CA10: variants seen among roughly 807,000 people sequenced by gnomAD.
The protein encoded by CA10 is carbonic anhydrase-related protein 10.
A neutral mutation model predicts 44.2 loss-of-function variants in CA10; 14 were observed. The ratio of observed to expected loss-of-function variants is 0.32; its 90% CI spans 0.21 to 0.50. The LOEUF is 0.50. Among genes scored for constraint, CA10 ranks in the 20% least tolerant of loss-of-function variants. The pLI, the probability that CA10 is intolerant of heterozygous loss-of-function variation, is 0.99. For synonymous variants in CA10, 159 were observed against 141.6 expected, an observed-to-expected ratio of 1.12 and a Z score of -0.87; for missense variants, 350 against 409.7, an observed-to-expected ratio of 0.85 and a Z score of 1.26.
chr17:52,024,497 G>A (rs149530396), intron 2 of CA10, among the ~76,000 whole-genome samples: 17 of 151,434 alleles, frequency 1.1e-4, no homozygotes, highest in Admixed American at 2.0e-4. Context: ...TCACAAGCTG[G>A]AGTCAGTGGG....
intron 2 of CA10, among the ~76,000 whole-genome samples, chr17:51,943,097 C>T (rs1028006331): frequency 2.6e-5 from 4 of 152,102 alleles, no homozygotes; most frequent in African/African-American, 9.7e-5. Context: ...ACAATATGCT[C>T]ATGCTTACTT....
chr17:52,115,343 C>T (rs1988870550), intron 1 of CA10, among the ~76,000 whole-genome samples: 1 of 152,196 alleles, frequency 6.6e-6, no homozygotes, highest in Non-Finnish European at 1.5e-5. Context: ...AAAAATCCTG[C>T]ATCATTTTGG....
chr17:51,967,398 T>C (rs957565692), intron 2 of CA10, among the ~76,000 whole-genome samples: 2 of 151,616 alleles, frequency 1.3e-5, no homozygotes, highest in Admixed American at 6.6e-5. Flanking sequence ...TGTATGTTCA[T>C]TGTAGCACTA....
At chr17:51,823,780 C>T (rs1470160822) in intron 3 of CA10, among the ~76,000 whole-genome samples, 5 of 152,202 alleles carry the variant, frequency 3.3e-5, no homozygotes, top group Non-Finnish European at 7.3e-5. Flanking sequence ...CTGTGGGTCC[C>T]AACCTGTCAT....
At chr17:51,822,187 G>T (rs146179670) in intron 3 of CA10, among the ~76,000 whole-genome samples, 2,048 of 152,216 alleles carry the variant, frequency 0.013, 41 homozygotes, top group African/African-American at 0.047. Flanking sequence ...AGTTTGGGAG[G>T]CTGAGGCAGG....
At chr17:51,979,584 G>T (rs1438014699) in intron 2 of CA10, among the ~76,000 whole-genome samples, 2 of 151,976 alleles carry the variant, frequency 1.3e-5, no homozygotes, top group Non-Finnish European at 2.9e-5. Flanking sequence ...CATGGTATTT[G>T]GTTTTCTATT....
At chr17:52,083,426 T>G (rs1354692894) in intron 1 of CA10, among the ~76,000 whole-genome samples, 2 of 152,198 alleles carry the variant, frequency 1.3e-5, no homozygotes, top group Non-Finnish European at 2.9e-5. Flanking sequence ...AATGTTTATT[T>G]GTATAAATTT....
At chr17:51,880,095 C>A (rs1327162870) in intron 3 of CA10, among the ~76,000 whole-genome samples, 1 of 152,148 alleles carries the variant, frequency 6.6e-6, no homozygotes, top group Non-Finnish European at 1.5e-5. Flanking sequence ...CACTAACCAC[C>A]TGCTCTAATC....
intron 1 of CA10, among the ~76,000 whole-genome samples, chr17:52,110,343 C>T (rs1988763159): frequency 6.6e-6 from 1 of 152,232 alleles, no homozygotes; most frequent in Admixed American, 6.5e-5. Context: ...TGGAGTCTCA[C>T]AGACCTATCC....
intron 3 of CA10, among the ~76,000 whole-genome samples, chr17:51,872,499 A>C (rs1015689478): frequency 6.6e-6 from 1 of 152,044 alleles, no homozygotes; most frequent in Admixed American, 6.6e-5. Context: ...CCCTTCAGAG[A>C]CCTCTTTGTA....
At chr17:51,777,848 C>T (rs1905889667) in intron 3 of CA10, among the ~76,000 whole-genome samples, 1 of 152,122 alleles carries the variant, frequency 6.6e-6, no homozygotes, top group South Asian at 2.1e-4. Context: ...GGAAGGATTG[C>T]TTGAGCCTGG....
chr17:52,010,723 C>T (rs1055072801), intron 2 of CA10, among the ~76,000 whole-genome samples: 3 of 151,870 alleles, frequency 2.0e-5, no homozygotes, highest in African/African-American at 7.2e-5. Flanking sequence ...CACTAAATAA[C>T]TTAAAGAATG....
chr17:51,660,510 G>A (rs1913964502), intron 4 of CA10, among the ~76,000 whole-genome samples: 1 of 152,222 alleles, frequency 6.6e-6, no homozygotes, highest in African/African-American at 2.4e-5. Context: ...CAGTTGCACA[G>A]GTCTCAGAGT....
At chr17:52,009,477 C>A (rs1239960998) in intron 2 of CA10, among the ~76,000 whole-genome samples, 3 of 151,958 alleles carry the variant, frequency 2.0e-5, no homozygotes, top group Non-Finnish European at 4.4e-5. Flanking sequence ...GCTGATGTGT[C>A]ACCTGGAGAG....
chr17:51,808,578 C>T (rs1241260223), intron 3 of CA10, among the ~76,000 whole-genome samples: 1 of 152,088 alleles, frequency 6.6e-6, no homozygotes, highest in Non-Finnish European at 1.5e-5. Flanking sequence ...ACAATAGAAG[C>T]TAATAGAAAG....
intron 2 of CA10, among the ~76,000 whole-genome samples, chr17:52,027,047 T>C (rs1423265136): frequency 6.6e-6 from 1 of 152,062 alleles, no homozygotes; most frequent in Non-Finnish European, 1.5e-5. Context: ...GTAGAATCAA[T>C]GGGAGTCCTG....
intron 1 of CA10, among the ~76,000 whole-genome samples, chr17:52,146,555 T>G (rs1989590192): frequency 6.6e-6 from 1 of 151,914 alleles, no homozygotes; most frequent in South Asian, 2.1e-4. Context: ...CCGGCCGTGG[T>G]GGCGGGCGCC....
At position 51,743,517 on chromosome 17, in the gene CA10, A is replaced by G. The variant is rs1904545252; in HGVS notation, c.465+4116T>C. Among the ~76,000 whole-genome samples the G allele has an allele frequency of 5.3e-5, 8 of 152,258 alleles. No homozygotes were observed. In the South Asian group the frequency reaches 1.7e-3, roughly 31 times the overall value. The stretch of plus-strand genomic sequence containing the variant: ...GGAGTTCTCTGTGTAGGACATGAGT[A>G]ATTTTTATAAAAATGCAGTTGCTGA... On this transcript the variant is annotated intron_variant, in intron 4 of 8. Coordinates refer to ENST00000451037, the MANE Select transcript of CA10 (RefSeq NM_020178.5).
At chr17:52,004,119 C>T (rs1356143084) in intron 2 of CA10, among the ~76,000 whole-genome samples, 1 of 151,902 alleles carries the variant, frequency 6.6e-6, no homozygotes, top group African/African-American at 2.4e-5. Flanking sequence ...ATCATTTGCA[C>T]TGCAATTTGC....
Sources: allele counts gnomAD v4.1 joint callset (sites outside exome capture counted in the v4.1 genomes callset), GRCh38; gene constraint gnomAD v4.1.1; transcripts MANE v1.5; gene names NCBI Gene and HGNC (gene_info 2026-07-23, HGNC 2026-07-21).